ZUP1: variants seen among roughly 807,000 people sequenced by gnomAD.
The protein encoded by ZUP1 is zinc finger-containing ubiquitin peptidase 1.
ZUP1 carries 55 observed loss-of-function variants against 68.1 expected under a neutral mutation model. The ratio of observed to expected loss-of-function variants is 0.81; its 90% confidence interval spans 0.65 to 1.01. The LOEUF (loss-of-function observed/expected upper bound fraction) is 1.01, where lower values mean the gene tolerates loss of function less well. ZUP1 is among the 50% of genes least tolerant of loss of function. ZUP1 has a pLI of 0.00. For missense variants in ZUP1, 684 were observed against 674.9 expected (o/e 1.01, Z -0.15); for synonymous variants, 223 against 221.5 (o/e 1.01, Z -0.06).
rs769641946 is a variant in ZUP1 at position 116,666,922 on chromosome 6, T to C, written c.271A>G (p.Ile91Val). Residue 91 changes from isoleucine to valine, a missense_variant, in exon 2 of 10, where the codon ATT (isoleucine) becomes GTT (valine). By Grantham distance (29) the Ile-to-Val change is conservative. Transcript: ENST00000368576. ...TGATTAGATGCACAACCTGAAAGAA[T>C]ACTTGAATTAACTTCCATTCCACAC... Reference protein sequence around the residue: ...LQCGMEVNSSILSGCASNHPK... With the variant: ...LQCGMEVNSSVLSGCASNHPK... 4 of 1,613,232 alleles carry C rather than the reference T, an allele frequency of 2.5e-6. No homozygotes were observed. Among genetic ancestry groups the C allele is most frequent in the Non-Finnish European group, 2.5e-6 (3 of 1,179,742 alleles).
chr6:116,661,761 C>G (rs540443155), intron 2 of ZUP1, among the ~76,000 whole-genome samples: 1 of 152,306 alleles, frequency 6.6e-6, no homozygotes, highest in East Asian at 1.9e-4. Context: ...CTGTGAACAG[C>G]CAGTGTGAAG....
chr6:116,659,264 G>A (rs917528990), intron 3 of ZUP1, among the ~76,000 whole-genome samples: 4 of 152,100 alleles, frequency 2.6e-5, no homozygotes, highest in African/African-American at 9.7e-5. Flanking sequence ...TGAGTAGCTG[G>A]GATTACAGGT....
chr6:116,646,209 T>G, intron 8 of ZUP1: 1 of 263,664 alleles, frequency 3.8e-6, no homozygotes, highest in Non-Finnish European at 7.1e-6. Flanking sequence ...TGATCCTTCT[T>G]ATTCAAATTA....
chr6:116,636,013 G>A, intron 9 of ZUP1, 134 bp from the exon 10 acceptor site: 2 of 512,504 alleles, frequency 3.9e-6, no homozygotes, highest in Non-Finnish European at 6.3e-6. Flanking sequence ...AAGAAAAATT[G>A]CAATCTCAAA....
At chr6:116,640,424 A>C (rs1172869255) in intron 9 of ZUP1, among the ~76,000 whole-genome samples, 1 of 152,208 alleles carries the variant, frequency 6.6e-6, no homozygotes, top group East Asian at 1.9e-4. Context: ...AAAAATGTTA[A>C]GGGCAGCCAG....
At position 116,666,622 on chromosome 6, in the gene ZUP1, T is replaced by C; in HGVS notation, c.559+12A>G. 1.3e-6 allele frequency: 2 copies of C among 1,534,156 alleles called. No individual in the cohort carries two copies. Among genetic ancestry groups the C allele is most frequent in the Non-Finnish European group, 1.7e-6 (2 of 1,144,344 alleles). ...TGTAAACTTATAATTTATAATGAAA[T>C]GAAAACTTTACCTTCCAATGGAATG... On this transcript the variant is annotated intron_variant, in intron 2 of 9. Transcript: ENST00000368576.
Position 116,660,857 on chromosome 6 carries a change from G to A in ZUP1, c.560-11C>T, listed in dbSNP as rs1431109167. 2.2e-6 allele frequency: 3 copies of A among 1,347,918 alleles called. No homozygotes were observed. Among genetic ancestry groups the A allele is most frequent in the Middle Eastern group, 1.8e-4 (1 of 5,436 alleles). 83.5% of individuals were successfully genotyped at this position (1,347,918 alleles called of 1,614,324 possible). ...GTGGTTGATCACAGTCTGTATCAGA[G>A]ATATAATTAAGTTGTTTTTATTTTT... On this transcript the variant is annotated splice_polypyrimidine_tract_variant and intron_variant, in intron 2 of 9. Transcript: ENST00000368576.
chr6:116,653,345 G>T (rs1583372151), intron 5 of ZUP1, among the ~76,000 whole-genome samples: 1 of 151,954 alleles, frequency 6.6e-6, no homozygotes, highest in Non-Finnish European at 1.5e-5. Context: ...GAAGCCTATG[G>T]GTAGGGAGAT....
chr6:116,667,731 C>T (rs546379561), intron 1 of ZUP1, among the ~76,000 whole-genome samples: 3 of 152,196 alleles, frequency 2.0e-5, no homozygotes, highest in Admixed American at 2.0e-4. Flanking sequence ...GAAATTCTGG[C>T]TCAGACAGGT....
At chr6:116,662,649 A>G (rs762873058) in intron 2 of ZUP1, among the ~76,000 whole-genome samples, 1 of 152,080 alleles carries the variant, frequency 6.6e-6, no homozygotes, top group African/African-American at 2.4e-5. Context: ...CTATACACAA[A>G]ATCTTTCTCT....
chr6:116,658,957 A>T, intron 3 of ZUP1, 33 bp from the exon 4 acceptor site: 9 of 1,545,154 alleles, frequency 5.8e-6, no homozygotes, highest in Non-Finnish European at 7.8e-6. Flanking sequence ...AGAATAAAAT[A>T]ACTGTTGCAA....
chr6:116,666,541 C>A, intron 2 of ZUP1, 93 bp downstream of exon 2: 2 of 987,186 alleles, frequency 2.0e-6, no homozygotes, highest in African/African-American at 3.3e-5. Context: ...CAAAACACAT[C>A]TGTAGTAAGC....
chr6:116,643,201 T>C (rs937986266), intron 9 of ZUP1, among the ~76,000 whole-genome samples: 4 of 152,158 alleles, frequency 2.6e-5, no homozygotes, highest in Non-Finnish European at 5.9e-5. Context: ...TACAAACAAA[T>C]GGAAGAACAT....
At chr6:116,665,754 GT>G (rs557653411) in intron 2 of ZUP1, among the ~76,000 whole-genome samples, 81 of 127,422 alleles carry the variant, frequency 6.4e-4, no homozygotes, top group Non-Finnish European at 9.1e-4. Flanking sequence ...TAGTTTTTTG[GT>G]TTTTTTTTTT....
chr6:116,654,928 C>A (rs1776619790), intron 5 of ZUP1, among the ~76,000 whole-genome samples: 1 of 152,022 alleles, frequency 6.6e-6, no homozygotes, highest in South Asian at 2.1e-4. Flanking sequence ...CTTTGGAAAA[C>A]AATTCTATAA....
At chr6:116,643,931 C>G (rs1776204379) in intron 9 of ZUP1, among the ~76,000 whole-genome samples, 1 of 152,122 alleles carries the variant, frequency 6.6e-6, no homozygotes, top group Non-Finnish European at 1.5e-5. Flanking sequence ...ATTTTCACAA[C>G]CTACTCATCT....
intron 9 of ZUP1, among the ~76,000 whole-genome samples, chr6:116,636,509 T>C (rs1775913593): frequency 6.6e-6 from 1 of 152,174 alleles, no homozygotes; most frequent in Non-Finnish European, 1.5e-5. Context: ...TTAGGTGATA[T>C]TGTCTAAAAT....
At chr6:116,637,714 T>G (rs767444981) in intron 9 of ZUP1, among the ~76,000 whole-genome samples, 3 of 152,330 alleles carry the variant, frequency 2.0e-5, no homozygotes, top group Admixed American at 6.5e-5. Context: ...TCTTGGTATT[T>G]TACAATAATT....
intron 9 of ZUP1, among the ~76,000 whole-genome samples, chr6:116,637,582 T>A (rs1449185111): frequency 6.6e-6 from 1 of 152,158 alleles, no homozygotes; most frequent in African/African-American, 2.4e-5. Flanking sequence ...AGTATTCTAA[T>A]CCCACAAACA....
Sources: allele counts gnomAD v4.1 joint callset (sites outside exome capture counted in the v4.1 genomes callset), GRCh38; gene constraint gnomAD v4.1.1; transcripts MANE v1.5; gene names NCBI Gene and HGNC (gene_info 2026-07-23, HGNC 2026-07-21).